The following TRPM3 variants were observed in gnomAD, a reference collection of about 807,000 sequenced individuals.
The protein encoded by TRPM3 is transient receptor potential cation channel subfamily M member 3, also known as long transient receptor potential channel 3.
In TRPM3, 77 loss-of-function variants were observed where a neutral mutation model predicts 181.2. The observed-to-expected ratio is 0.42, with a 90% CI of 0.35 to 0.51. The LOEUF is 0.51. TRPM3 is among the 20% of genes least tolerant of loss of function. The pLI, the probability that TRPM3 is intolerant of heterozygous loss-of-function variation, is 0.01. For synonymous variants in TRPM3, 745 were observed against 796.4 expected (o/e 0.94, Z 1.09); for missense variants, 1,759 against 2,196.7 (o/e 0.80, Z 3.98).
chr9:71,030,546 C>G (rs2057157970), intron 1 of TRPM3, among the ~76,000 whole-genome samples: 1 of 148,836 alleles, frequency 6.7e-6, no homozygotes, highest in Admixed American at 6.7e-5. Flanking sequence ...GCCTGGGCAA[C>G]AGAGTGAGAA....
intron 1 of TRPM3, among the ~76,000 whole-genome samples, chr9:71,084,629 C>T (rs1462417026): frequency 6.6e-6 from 1 of 151,862 alleles, no homozygotes; most frequent in African/African-American, 2.4e-5. Flanking sequence ...CTAGATGATA[C>T]AAACAAATAG....
intron 1 of TRPM3, among the ~76,000 whole-genome samples, chr9:70,970,957 T>C (rs543729666): frequency 6.9e-4 from 105 of 152,126 alleles, no homozygotes; most frequent in African/African-American, 1.9e-3. Flanking sequence ...AATAGAAAAT[T>C]TTTTGCCTAA....
At chr9:71,433,993 T>C (rs766647590) in intron 1 of TRPM3, among the ~76,000 whole-genome samples, 6 of 151,970 alleles carry the variant, frequency 3.9e-5, no homozygotes, top group Non-Finnish European at 8.8e-5. Flanking sequence ...CCATCTCTAC[T>C]AAAAATACGA....
intron 1 of TRPM3, among the ~76,000 whole-genome samples, chr9:71,070,241 C>T (rs1384040235): frequency 2.6e-5 from 4 of 152,206 alleles, no homozygotes; most frequent in Non-Finnish European, 5.9e-5. Context: ...CTATAACCTA[C>T]TGGTGAACTT....
Position 70,531,967 on chromosome 9 carries a change from A to G in TRPM3, c.*3986T>C, listed in dbSNP as rs1303325834. 6.6e-6 allele frequency: 1 copy of G among 152,196 alleles called. No individual in the cohort carries two copies. The highest frequency in any genetic ancestry group is 2.4e-5 in the African/African-American group (1 of 41,454). 9.4% of individuals were successfully genotyped at this position (152,196 alleles called of 1,614,324 possible). The stretch of plus-strand genomic sequence containing the variant: ...TGGGAACATAATTAATCATTGCAAC[A>G]TGTGTTTCTTTATTGAATGTTACAG... On this transcript the variant is annotated 3_prime_UTR_variant, in exon 26 of 26. Coordinates refer to ENST00000677713, the MANE Select transcript of TRPM3 (RefSeq NM_001366145.2).
chr9:71,304,135 G>A (rs1379142280), intron 1 of TRPM3, among the ~76,000 whole-genome samples: 1 of 152,076 alleles, frequency 6.6e-6, no homozygotes, highest in African/African-American at 2.4e-5. Flanking sequence ...CATAATTGAT[G>A]CAACAAATTG....
intron 1 of TRPM3, among the ~76,000 whole-genome samples, chr9:71,398,630 C>T (rs924726383): frequency 1.3e-5 from 2 of 152,124 alleles, no homozygotes; most frequent in Non-Finnish European, 2.9e-5. Context: ...CTTTGCCTTC[C>T]ACCATGATTG....
intron 16 of TRPM3, among the ~76,000 whole-genome samples, chr9:70,619,406 CTTTTTTTTTTTTTTTT>C (rs1170887633): frequency 1.2e-5 from 1 of 81,418 alleles, no homozygotes; most frequent in East Asian, 3.8e-4. Context: ...TCGTCGTCTT[CTTTTTTTTTTTTTTTT>C]TTTTTTTTTG....
At position 70,977,776 on chromosome 9, in the gene TRPM3, A is replaced by G. The variant is rs149050393; in HGVS notation, c.178-113265T>C. On this transcript the variant is annotated intron_variant, in intron 1 of 25. Transcript: ENST00000677713. ...TTACTTCTTATTGCTGGTTTGTTAG[A>G]AAGAACACAACTCAGGAACAGCCAG... is the stretch of plus-strand genomic sequence containing the variant. Among the ~76,000 whole-genome samples, 666 of 152,302 alleles carry G rather than the reference A, an allele frequency of 4.4e-3. 2 individuals carry two copies. The highest frequency in any genetic ancestry group is 0.017 in the Middle Eastern group (5 of 294).
At chr9:71,064,508 TC>T (rs141915367) in intron 1 of TRPM3, among the ~76,000 whole-genome samples, 1 of 151,962 alleles carries the variant, frequency 6.6e-6, no homozygotes, top group African/African-American at 2.4e-5. Flanking sequence ...TAAAGACATT[TC>T]CCCCTGTAGT....
At chr9:70,661,658 G>C (rs78069171) in intron 9 of TRPM3, among the ~76,000 whole-genome samples, 75 of 151,930 alleles carry the variant, frequency 4.9e-4, no homozygotes, top group African/African-American at 1.7e-3. Flanking sequence ...ACCAAGCTGA[G>C]AATCAAATCA....
intron 1 of TRPM3, among the ~76,000 whole-genome samples, chr9:71,162,063 G>A (rs948875974): frequency 6.6e-6 from 1 of 151,832 alleles, no homozygotes; most frequent in African/African-American, 2.4e-5. Context: ...AGCCAGGTGT[G>A]GTGGTGTGTT....
intron 22 of TRPM3, among the ~76,000 whole-genome samples, chr9:70,553,593 C>G (rs1216967749): frequency 1.3e-5 from 2 of 152,202 alleles, no homozygotes; most frequent in East Asian, 3.9e-4. Flanking sequence ...GCCGCTAGGC[C>G]CCTACACCGG....
chr9:70,863,287 T>C (rs1037084644), intron 2 of TRPM3, among the ~76,000 whole-genome samples, 175 bp from the exon 3 acceptor site: 23 of 152,140 alleles, frequency 1.5e-4, no homozygotes, highest in African/African-American at 5.5e-4. Flanking sequence ...TTCCATGATA[T>C]ACATATCTTT....
chr9:70,880,040 C>T (rs1280050747), intron 1 of TRPM3, among the ~76,000 whole-genome samples: 2 of 152,120 alleles, frequency 1.3e-5, no homozygotes, highest in Admixed American at 1.3e-4. Flanking sequence ...TGTATTAAAT[C>T]TCCACCCTGC....
At chr9:71,215,060 A>ACC (rs1565349742) in intron 1 of TRPM3, among the ~76,000 whole-genome samples, 1 of 146,368 alleles carries the variant, frequency 6.8e-6, no homozygotes, top group South Asian at 2.2e-4. Context: ...AAAAAAAAAA[A>ACC]AACAACAACC....
At chr9:70,662,714 T>C (rs971259256) in intron 9 of TRPM3, among the ~76,000 whole-genome samples, 1 of 151,990 alleles carries the variant, frequency 6.6e-6, no homozygotes, top group African/African-American at 2.4e-5. Flanking sequence ...CCTGCAAGAA[T>C]GGCCATAATT....
chr9:70,632,207 A>G (rs1056997372), intron 12 of TRPM3, among the ~76,000 whole-genome samples: 2 of 152,142 alleles, frequency 1.3e-5, no homozygotes, highest in African/African-American at 4.8e-5. Context: ...TGATTATCCT[A>G]TTGGCCTAAA....
Position 70,607,877 on chromosome 9 carries a change from A to G in TRPM3, c.2667+2732T>C, listed in dbSNP as rs770807524. ...CGATAGTCTCTCTCTGTCTCTCACT[A>G]CTCATCAACTTGATGTGGTAGCACA... is the stretch of plus-strand genomic sequence containing the variant. On this transcript the variant is annotated intron_variant, in intron 19 of 25. Transcript: ENST00000677713. Among the ~76,000 whole-genome samples, 113 of 152,156 alleles carry G rather than the reference A, an allele frequency of 7.4e-4. 1 individual carries two copies. Among genetic ancestry groups the G allele is most frequent in the Admixed American group, 4.6e-3 (70 of 15,298 alleles).
Sources: allele counts gnomAD v4.1 joint callset (sites outside exome capture counted in the v4.1 genomes callset), GRCh38; gene constraint gnomAD v4.1.1; transcripts MANE v1.5; gene names NCBI Gene and HGNC (gene_info 2026-07-23, HGNC 2026-07-21).